The following PPEF1 variants were observed in gnomAD, a reference collection of about 807,000 sequenced individuals.
PPEF1 encodes the protein serine/threonine-protein phosphatase with EF-hands 1.
Under a neutral mutation model 53.3 loss-of-function variants are expected in PPEF1, and 12 were observed. That is an observed-to-expected ratio of 0.23 (90% CI 0.14 to 0.36). PPEF1 has a LOEUF of 0.36. PPEF1 is among the 10% of genes least tolerant of loss of function. The pLI is 1.00. For synonymous variants in PPEF1, 165 were observed against 176.7 expected (o/e 0.93, Z 0.52); for missense variants, 334 against 490.4 (o/e 0.68, Z 3.01).
intron 5 of PPEF1, among the ~76,000 whole-genome samples, chrX:18,760,140 C>T (rs1428465093): frequency 6.3e-5 from 7 of 110,902 alleles, no homozygotes; most frequent in East Asian, 2.8e-4. Flanking sequence ...GTGCACGCCA[C>T]GACACCTGGC....
chrX:18,781,233 G>A (rs1232597055), intron 7 of PPEF1, among the ~76,000 whole-genome samples: 1 of 110,612 alleles, frequency 9.0e-6, no homozygotes, highest in Non-Finnish European at 1.9e-5. Context: ...GTACTATTGA[G>A]TAGGCAGTTG....
intron 4 of PPEF1, among the ~76,000 whole-genome samples, chrX:18,696,676 G>A (rs913789883): frequency 1.8e-5 from 2 of 111,798 alleles, no homozygotes; most frequent in African/African-American, 6.5e-5. Flanking sequence ...GTGCTGTGGG[G>A]AAGCTACCCC....
intron 3 of PPEF1, among the ~76,000 whole-genome samples, chrX:18,744,652 T>C (rs1362298420): frequency 8.9e-6 from 1 of 111,960 alleles, no homozygotes; most frequent in Non-Finnish European, 1.9e-5. Context: ...AGGTATTTTA[T>C]ATTTTTTGTT....
chrX:18,756,140 A>G (rs940841919), intron 4 of PPEF1, among the ~76,000 whole-genome samples: 3 of 110,717 alleles, frequency 2.7e-5, no homozygotes, highest in South Asian at 3.8e-4. Flanking sequence ...ACTATTTAAA[A>G]TTTTATTTCA....
At chrX:18,820,708 T>A (rs1388922356) in intron 13 of PPEF1, among the ~76,000 whole-genome samples, 2 of 110,858 alleles carry the variant, frequency 1.8e-5, no homozygotes, top group Non-Finnish European at 3.8e-5. Context: ...CTTAAAAGAC[T>A]ACATAGAACT....
At chrX:18,696,384 C>T (rs1456818278) in intron 4 of PPEF1, among the ~76,000 whole-genome samples, 2 of 107,723 alleles carry the variant, frequency 1.9e-5, no homozygotes, top group Non-Finnish European at 3.8e-5. Context: ...AGCTCATCAG[C>T]TCAAGCAATC....
At chrX:18,811,925 T>C (rs1304065310) in intron 12 of PPEF1, among the ~76,000 whole-genome samples, 1 of 111,163 alleles carries the variant, frequency 9.0e-6, no homozygotes, top group Admixed American at 9.7e-5. Flanking sequence ...AGTATTTGAT[T>C]TGCAAACATT....
rs2044233269 is a variant in PPEF1, at chrX:18,707,810, C to T, written c.30C>T (p.Thr10=). The T allele has an allele frequency of 1.7e-6, 2 of 1,207,018 alleles. No homozygotes were observed. The highest frequency in any genetic ancestry group is 2.2e-6 in the Non-Finnish European group (2 of 892,632). Residue 10 remains threonine, a synonymous_variant, in exon 1 of 16, where the codon ACC becomes ACT. Coordinates refer to ENST00000470157, the MANE Select transcript of PPEF1 (RefSeq NM_001377996.1). ...GATGCAGCAGTTCTTCAACGAAAAC[C>T]AGGAGATCTGACACATGTGAGTACT... MGCSSSSTK[T]RRSDTSLRAA... is the part of the protein sequence containing the mutation.
intron 1 of PPEF1, among the ~76,000 whole-genome samples, chrX:18,712,591 A>G (rs2044353367): frequency 8.9e-6 from 1 of 112,135 alleles, no homozygotes; most frequent in African/African-American, 3.2e-5. Flanking sequence ...CTGCAAATAT[A>G]GTTTTACTTG....
intron 3 of PPEF1, among the ~76,000 whole-genome samples, chrX:18,735,295 A>G (rs1189807472): frequency 9.0e-6 from 1 of 111,429 alleles, no homozygotes; most frequent in Non-Finnish European, 1.9e-5. Flanking sequence ...ATCTTGAATT[A>G]ATTTTTGTAT....
At chrX:18,778,925 A>G (rs988172622) in intron 6 of PPEF1, 85 bp from the exon 7 acceptor site, 12 of 904,421 alleles carry the variant, frequency 1.3e-5, no homozygotes, top group Non-Finnish European at 1.8e-5. Context: ...TTTTTTCCAT[A>G]TTAACAGGGA....
intron 1 of PPEF1, among the ~76,000 whole-genome samples, chrX:18,683,275 G>A (rs896642130): frequency 9.0e-6 from 1 of 111,438 alleles, no homozygotes; most frequent in Non-Finnish European, 1.9e-5. Context: ...GCTTGCTCAC[G>A]TGTGGCACAG....
At chrX:18,737,626 A>G (rs893680903) in intron 3 of PPEF1, among the ~76,000 whole-genome samples, 3 of 111,778 alleles carry the variant, frequency 2.7e-5, no homozygotes, top group African/African-American at 9.8e-5. Flanking sequence ...AGTTCTGTAG[A>G]TGTCTATTAG....
intron 9 of PPEF1, among the ~76,000 whole-genome samples, chrX:18,786,977 G>GATA (rs1374149291): frequency 3.6e-5 from 4 of 110,791 alleles, no homozygotes; most frequent in Non-Finnish European, 7.6e-5. Context: ...CCCCTTCAGG[G>GATA]ATAACTGTTC....
upstream of PPEF1, among the ~76,000 whole-genome samples, chrX:18,675,535 C>T (rs953553282): frequency 8.9e-6 from 1 of 112,931 alleles, no homozygotes; most frequent in Non-Finnish European, 1.9e-5. Context: ...CTTCCCCTCC[C>T]GAGGACAGGC....
At chrX:18,815,680 C>T (rs186456020) in intron 12 of PPEF1, among the ~76,000 whole-genome samples, 77 of 111,153 alleles carry the variant, frequency 6.9e-4, no homozygotes, top group African/African-American at 2.3e-3. Flanking sequence ...TCCCCTCTCA[C>T]TCTTGATTTT....
At chrX:18,780,437 G>GA (rs1236579110) in intron 7 of PPEF1, among the ~76,000 whole-genome samples, 1 of 112,442 alleles carries the variant, frequency 8.9e-6, no homozygotes, top group African/African-American at 3.2e-5. Flanking sequence ...TAGACTGAGG[G>GA]ACAGGGTGGT....
intron 4 of PPEF1, among the ~76,000 whole-genome samples, chrX:18,756,998 C>A (rs1036239599): frequency 9.0e-6 from 1 of 110,953 alleles, no homozygotes; most frequent in Admixed American, 9.6e-5. Flanking sequence ...TCATTTGAGA[C>A]CAGGAGTTCG....
At position 18,763,028 on chromosome X, in the gene PPEF1, G is replaced by A. The variant is rs150123962; in HGVS notation, c.558+1452G>A. ...TTATCACCAGACCAACTCAAAATTAGAAAGTTTTCCAGAGCTTATATACCT... is the reference window on the plus strand; with the variant it reads ...TTATCACCAGACCAACTCAAAATTAAAAAGTTTTCCAGAGCTTATATACCT... On this transcript the variant is annotated intron_variant, in intron 6 of 15. Transcript: ENST00000470157. Among the ~76,000 whole-genome samples the A allele has an allele frequency of 6.8e-3, 756 of 111,711 alleles. 3 individuals are homozygous for A. Among genetic ancestry groups the A allele is most frequent in the Non-Finnish European group, 0.011 (583 of 53,143 alleles).
Sources: gnomAD v4.1 joint callset for allele counts (sites outside exome capture counted in the v4.1 genomes callset) on GRCh38, gnomAD v4.1.1 for gene constraint, MANE v1.5 for transcripts, NCBI Gene and HGNC (gene_info 2026-07-23, HGNC 2026-07-21) for gene names.